The following PARD3B variants were observed in gnomAD, a reference collection of about 807,000 sequenced individuals.
PARD3B encodes par-3 family cell polarity regulator beta.
Under a neutral mutation model 130.2 loss-of-function variants are expected in PARD3B, and 103 were observed. The ratio of observed to expected loss-of-function variants is 0.79; its 90% CI spans 0.67 to 0.93. PARD3B has a LOEUF of 0.93. PARD3B is among the 40% of genes least tolerant of loss of function. The probability of loss-of-function intolerance (pLI) is 0.00; values close to 1 mark genes in which losing one functional copy is unlikely to be tolerated. For missense variants in PARD3B, 1,609 were observed against 1,499.2 expected (o/e 1.07, Z -1.21); for synonymous variants, 583 against 553.2 (o/e 1.05, Z -0.76).
At chr2:205,468,546 T>C (rs761493170) in intron 20 of PARD3B, among the ~76,000 whole-genome samples, 1 of 152,342 alleles carries the variant, frequency 6.6e-6, no homozygotes, top group Middle Eastern at 3.4e-3. Flanking sequence ...GTATAGAGAA[T>C]GTTATCCACC....
At chr2:204,955,398 A>G (rs763553728) in intron 2 of PARD3B, among the ~76,000 whole-genome samples, 1 of 152,238 alleles carries the variant, frequency 6.6e-6, no homozygotes. Context: ...GATGGAAGCT[A>G]TTTTGCTGTG....
intron 3 of PARD3B, among the ~76,000 whole-genome samples, chr2:204,976,232 A>C (rs1306009455): frequency 6.6e-6 from 1 of 152,236 alleles, no homozygotes. Flanking sequence ...TACATAGATT[A>C]TACAATCTTA....
intron 20 of PARD3B, among the ~76,000 whole-genome samples, chr2:205,479,184 T>C (rs1267651437): frequency 6.6e-6 from 1 of 152,202 alleles, no homozygotes; most frequent in African/African-American, 2.4e-5. Flanking sequence ...AGGCAGTAGA[T>C]GAAGGTGGTG....
chr2:205,070,301 T>C (rs749082885), intron 4 of PARD3B, among the ~76,000 whole-genome samples: 1 of 152,148 alleles, frequency 6.6e-6, no homozygotes, highest in African/African-American at 2.4e-5. Flanking sequence ...CAGTTTTTAA[T>C]ATCAATACTT....
Position 205,470,824 on chromosome 2 carries a change from A to T in PARD3B, c.3045-29072A>T, listed in dbSNP as rs2048799587. Among the ~76,000 whole-genome samples the T allele has an allele frequency of 6.6e-6, 1 of 152,220 alleles. No homozygotes were observed. The highest frequency in any genetic ancestry group is 1.5e-5 in the Non-Finnish European group (1 of 68,034). On this transcript the variant is annotated intron_variant, in intron 20 of 22. Transcript: ENST00000406610. The surrounding 1 kb of genome is among the most constrained non-coding windows in gnomAD (Gnocchi z 4.8). ...AAAATTCTATGGAGTTTACAATAGA[A>T]TCATAGGGAAGCTCTTAAACAGCAC...
chr2:205,202,508 C>T (rs1160562257), intron 15 of PARD3B, among the ~76,000 whole-genome samples: 2 of 152,168 alleles, frequency 1.3e-5, no homozygotes, highest in African/African-American at 2.4e-5. Context: ...TATAATGCTT[C>T]ATATGTTTCT....
chr2:205,265,433 G>A lies in PARD3B; in HGVS notation c.2185+19611G>A, dbSNP rs574375177. On this transcript the variant is annotated intron_variant, in intron 16 of 22. Coordinates refer to ENST00000406610, the MANE Select transcript of PARD3B (RefSeq NM_001302769.2). The surrounding 1 kb of genome is among the most constrained non-coding windows in gnomAD (Gnocchi z 4.3). ...TTCTTTTTCTTCCTTGGGTTTTGATGTGCTGATGTAATTTGGACATTGCTT... is the reference window on the plus strand; with the variant it reads ...TTCTTTTTCTTCCTTGGGTTTTGATATGCTGATGTAATTTGGACATTGCTT... Among the ~76,000 whole-genome samples, 7 of 152,042 alleles carry A rather than the reference G, an allele frequency of 4.6e-5. No homozygotes were observed. Among genetic ancestry groups the A allele is most frequent in the South Asian group, 2.1e-4 (1 of 4,822 alleles).
chr2:205,003,140 C>CG lies in PARD3B; in HGVS notation c.394+37818dup, dbSNP rs529485411. ...TTCCATCTTCAAAGCCGGCAATGGCCGTCCGGTCTTTATTGTGCTGTGCCA... is the reference window on the plus strand; with the variant it reads ...TTCCATCTTCAAAGCCGGCAATGGCCGGTCCGGTCTTTATTGTGCTGTGCCA... On this transcript the variant is annotated intron_variant, in intron 3 of 22. Coordinates refer to ENST00000406610, the MANE Select transcript of PARD3B (RefSeq NM_001302769.2). 3.9e-5 allele frequency among the ~76,000 whole-genome samples: 6 copies of CG among 152,318 alleles called. No individual in the cohort carries two copies. The South Asian group carries it at 1.2e-3, about 32-fold the overall frequency.
In PARD3B at chr2:204,760,051, C is replaced by T. The variant is rs1224263325; in HGVS notation, c.222+73769C>T. Among the ~76,000 whole-genome samples, 4 of 152,172 alleles carry T rather than the reference C, an allele frequency of 2.6e-5. No homozygotes were observed. In the South Asian group the frequency reaches 6.2e-4, roughly 24 times the overall value. On this transcript the variant is annotated intron_variant, in intron 2 of 22. Transcript: ENST00000406610. The stretch of plus-strand genomic sequence containing the variant: ...GAAATATAAATACTGCATGGTATTA[C>T]TCTGAAAACAGAACCCATGCTGAGC...
At chr2:204,581,654 C>G (rs1474652793) in intron 1 of PARD3B, among the ~76,000 whole-genome samples, 1 of 152,064 alleles carries the variant, frequency 6.6e-6, no homozygotes. Flanking sequence ...ACCATATATA[C>G]CATACCAGGG....
intron 1 of PARD3B, among the ~76,000 whole-genome samples, chr2:204,676,337 C>T (rs192643350): frequency 1.6e-4 from 24 of 151,972 alleles, no homozygotes; most frequent in African/African-American, 4.8e-4. Context: ...ATTGGAATAA[C>T]GGGTAGATTG....
At chr2:205,437,872 G>C (rs2047571463) in intron 19 of PARD3B, among the ~76,000 whole-genome samples, 1 of 152,026 alleles carries the variant, frequency 6.6e-6, no homozygotes, top group Non-Finnish European at 1.5e-5. Flanking sequence ...TTAACAGGTT[G>C]AGTTCCCAGT....
intron 2 of PARD3B, among the ~76,000 whole-genome samples, chr2:204,692,743 C>A (rs1396017148): frequency 1.3e-5 from 2 of 151,966 alleles, no homozygotes; most frequent in African/African-American, 4.8e-5. Flanking sequence ...AATGCAGAAG[C>A]TCCTGAAGAA....
chr2:204,997,832 T>C (rs1378632041), intron 3 of PARD3B, among the ~76,000 whole-genome samples: 1 of 150,196 alleles, frequency 6.7e-6, no homozygotes, highest in Non-Finnish European at 1.5e-5. Context: ...CATTTATAGA[T>C]ATATAATTAT....
chr2:204,662,530 A>G (rs76689095), intron 1 of PARD3B, among the ~76,000 whole-genome samples: 9,714 of 152,276 alleles, frequency 0.064, 558 homozygotes, highest in African/African-American at 0.15. Flanking sequence ...CAACATAATC[A>G]CACAAGTTCT....
At chr2:205,093,007 C>T (rs1298620734) in intron 4 of PARD3B, among the ~76,000 whole-genome samples, 1 of 152,060 alleles carries the variant, frequency 6.6e-6, no homozygotes, top group Non-Finnish European at 1.5e-5. Context: ...TATTTCAATC[C>T]ATAAATAAAG....
intron 18 of PARD3B, among the ~76,000 whole-genome samples, chr2:205,328,450 T>A (rs2043006916): frequency 6.6e-6 from 1 of 152,148 alleles, no homozygotes; most frequent in Non-Finnish European, 1.5e-5. Flanking sequence ...TTAATGGTTT[T>A]TATAAGTAAA....
In PARD3B at chr2:205,615,753, C is replaced by A. The variant is rs762039540; in HGVS notation, c.3558C>A (p.Asp1186Glu). 1 of 1,614,098 alleles carries A rather than the reference C, an allele frequency of 6.2e-7. No individual in the cohort carries two copies. Among genetic ancestry groups the A allele is most frequent in the Admixed American group, 1.7e-5 (1 of 60,018 alleles). ...CAGGGCCCCGTGGGGGCAGCCCAGA[C>A]CAGTACCCTTACCGAACCCAGGATT... Reference protein sequence around the residue: ...GRPGPRGGSPDQYPYRTQDSR... With the variant: ...GRPGPRGGSPEQYPYRTQDSR... Residue 1186 changes from aspartate (D) to glutamate (E), a missense_variant, in exon 23 of 23, where the codon GAC becomes GAA. Physicochemically the swap from Asp to Glu is conservative, Grantham distance 45. Transcript: ENST00000406610.
intron 2 of PARD3B, among the ~76,000 whole-genome samples, chr2:204,835,159 T>C (rs2043981819): frequency 6.6e-6 from 1 of 152,210 alleles, no homozygotes; most frequent in Admixed American, 6.5e-5. Flanking sequence ...TGTCTCTAAG[T>C]AATGCGCTTA....
Sources: gnomAD v4.1 joint callset for allele counts (sites outside exome capture counted in the v4.1 genomes callset) on GRCh38, gnomAD v4.1.1 for gene constraint, Gnocchi (gnomAD v3.1) non-coding constraint, MANE v1.5 for transcripts, NCBI Gene and HGNC (gene_info 2026-07-23, HGNC 2026-07-21) for gene names.